INO80: variants seen among roughly 807,000 people sequenced by gnomAD.
INO80 encodes the protein chromatin-remodeling ATPase INO80.
INO80 carries 20 observed loss-of-function variants against 203.4 expected under a neutral mutation model. That is an observed-to-expected ratio of 0.10 (90% CI 0.07 to 0.14). The LOEUF (loss-of-function observed/expected upper bound fraction) is 0.14. Ranked by LOEUF, INO80 falls within the 10% of genes least tolerant of loss-of-function variation. The pLI is 1.00. For missense variants in INO80, 1,419 were observed against 1,914.4 expected, an observed-to-expected ratio of 0.74 and a Z score of 4.83; for synonymous variants, 726 against 685.2, an observed-to-expected ratio of 1.06 and a Z score of -0.93.
chr15:41,080,578 G>A (rs371405618), intron 8 of INO80, among the ~76,000 whole-genome samples: 1 of 152,162 alleles, frequency 6.6e-6, no homozygotes, highest in East Asian at 1.9e-4. Flanking sequence ...GATTGAGGCC[G>A]GGCGCGGTGG....
intron 31 of INO80, 37 bp from the exon 32 acceptor site, chr15:40,985,463 T>C: frequency 7.6e-7 from 1 of 1,322,286 alleles, no homozygotes; most frequent in Non-Finnish European, 1.1e-6. Flanking sequence ...ATGAAGTACC[T>C]GTGGTAATCA....
In INO80 at chr15:41,074,583, T is replaced by C; in HGVS notation, c.1132-18A>G. The C allele has an allele frequency of 1.9e-6, 3 of 1,568,096 alleles. No homozygotes were observed. Among genetic ancestry groups the C allele is most frequent in the Non-Finnish European group, 2.6e-6 (3 of 1,152,848 alleles). On this transcript the variant is annotated intron_variant, in intron 9 of 35. Coordinates refer to ENST00000648947, the MANE Select transcript of INO80 (RefSeq NM_017553.3). Reference sequence around the variant, plus strand: ...CTCTTGGCCTAAAGAGGGAAAAAAGTGAAAACAGAGCCAAATTATCAATGA... The same window carrying C: ...CTCTTGGCCTAAAGAGGGAAAAAAGCGAAAACAGAGCCAAATTATCAATGA...
chr15:40,986,994 A>G, intron 31 of INO80, 97 bp downstream of exon 31: 2 of 654,382 alleles, frequency 3.1e-6, no homozygotes, highest in Non-Finnish European at 5.5e-6. Flanking sequence ...CTTTCCCTAA[A>G]TACAGCCTCT....
In INO80 at chr15:40,987,771, T is replaced by A. The variant is rs143432016; in HGVS notation, c.3729+45A>T. ...CAATGCAGTCAATGTGGTTGGACTT[T>A]CTGTTTGCTCCACCAGTGTAGGAAT... On this transcript the variant is annotated intron_variant, in intron 30 of 35. Transcript: ENST00000648947. 190 of 1,575,084 alleles carry A rather than the reference T, an allele frequency of 1.2e-4. No homozygotes were observed. In the African/African-American group the frequency reaches 2.2e-3, roughly 19 times the overall value.
At chr15:41,055,461 T>C in intron 17 of INO80, 97 bp from the exon 18 acceptor site, 1 of 586,236 alleles carries the variant, frequency 1.7e-6, no homozygotes, top group South Asian at 2.8e-5. Flanking sequence ...TATTAGTGTG[T>C]AAGTGCCTAG....
intron 19 of INO80, among the ~76,000 whole-genome samples, chr15:41,050,660 G>C (rs1317791412): frequency 6.6e-6 from 1 of 152,030 alleles, no homozygotes; most frequent in Non-Finnish European, 1.5e-5. Context: ...CCCTACTGCT[G>C]GCCCTCATCT....
intron 16 of INO80, among the ~76,000 whole-genome samples, chr15:41,056,936 T>C (rs1214495975): frequency 6.6e-6 from 1 of 152,132 alleles, no homozygotes; most frequent in East Asian, 1.9e-4. Context: ...TAGAAAAAAA[T>C]AGCCTCAAAT....
Position 41,091,963 on chromosome 15 carries a change from T to C in INO80, c.537+64A>G, listed in dbSNP as rs1596322367. The C allele has an allele frequency of 3.5e-6, 5 of 1,420,966 alleles. No homozygotes were observed. The East Asian group carries it at 9.3e-5, about 26-fold the overall frequency. The allele number at this position is 1,420,966 out of a possible 1,614,324, so 88.0% of individuals were successfully genotyped here. On this transcript the variant is annotated intron_variant, in intron 5 of 35. Coordinates refer to ENST00000648947, the MANE Select transcript of INO80 (RefSeq NM_017553.3). The stretch of plus-strand genomic sequence containing the variant: ...CACCACGCCCAGCCAAAATGATGTA[T>C]CTTTAATGACTATAAAGCAGAGGGT...
intron 1 of INO80, 68 bp from the exon 2 acceptor site, chr15:41,096,421 T>C (rs1232981426): frequency 2.6e-6 from 3 of 1,155,998 alleles, no homozygotes; most frequent in Admixed American, 6.7e-5. Flanking sequence ...TGCCTGCTTG[T>C]TCCCAATGTG....
intron 14 of INO80, among the ~76,000 whole-genome samples, chr15:41,067,705 C>G (rs1368248996): frequency 6.6e-6 from 1 of 152,110 alleles, no homozygotes; most frequent in African/African-American, 2.4e-5. Flanking sequence ...AAAATACCTG[C>G]CTCACATTTC....
chr15:41,102,682 A>AG (rs2045827202), intron 1 of INO80, among the ~76,000 whole-genome samples: 1 of 151,992 alleles, frequency 6.6e-6, no homozygotes, highest in African/African-American at 2.4e-5. Flanking sequence ...GGAAAAAAAA[A>AG]GGGTGTATTA....
intron 34 of INO80, 74 bp downstream of exon 34, chr15:40,983,688 C>T: frequency 7.5e-7 from 1 of 1,330,272 alleles, no homozygotes; most frequent in Non-Finnish European, 1.1e-6. Flanking sequence ...TAGAAGGAAT[C>T]AGGACCTTAC....
intron 24 of INO80, 65 bp from the exon 25 acceptor site, chr15:41,027,801 A>G: frequency 7.6e-7 from 1 of 1,313,776 alleles, no homozygotes; most frequent in Admixed American, 2.7e-5. Context: ...AAATGAAAAA[A>G]AAAGCCACAT....
rs1420474696 is a variant in INO80 at position 41,052,853 on chromosome 15, G to A, written c.2274+1076C>T. Among the ~76,000 whole-genome samples the A allele has an allele frequency of 6.6e-5, 6 of 90,392 alleles. No homozygotes were observed. In the East Asian group the frequency reaches 1.6e-3, roughly 24 times the overall value. The allele number at this position is 90,392 out of a possible 152,430, so 59.3% of individuals were successfully genotyped here. On this transcript the variant is annotated intron_variant, in intron 19 of 35. Transcript: ENST00000648947. ...CATGGGGAACATGGCAAAACTGGTC[G>A]CTACAAAAAAAAAAAAAAAAAATAC... is the stretch of plus-strand genomic sequence containing the variant.
chr15:41,095,892 T>C lies in INO80; in HGVS notation c.180A>G (p.Pro60=), dbSNP rs2140666926. The C allele has an allele frequency of 6.2e-7, 1 of 1,614,070 alleles. No homozygotes were observed. Among genetic ancestry groups the C allele is most frequent in the Non-Finnish European group, 8.5e-7 (1 of 1,179,936 alleles). ...DSEDGLDDSN[P]LLPQSGDPLI... ...AGGGATCCCCAGACTGGGGCAATAATGGATTACTGTCATCCAGTCCATCTT... is the reference window on the plus strand; with the variant it reads ...AGGGATCCCCAGACTGGGGCAATAACGGATTACTGTCATCCAGTCCATCTT... Residue 60 remains proline, a synonymous_variant, in exon 3 of 36, where the codon CCA becomes CCG. Coordinates refer to ENST00000648947, the MANE Select transcript of INO80 (RefSeq NM_017553.3).
At chr15:41,036,182 A>AAC in intron 24 of INO80, among the ~76,000 whole-genome samples, 1 of 149,360 alleles carries the variant, frequency 6.7e-6, no homozygotes, top group Non-Finnish European at 1.5e-5. Context: ...AAAAAAAAAA[A>AAC]AAACCCAAAA....
At chr15:41,074,255 C>T (rs1165998231) in intron 10 of INO80, 115 bp downstream of exon 10, 2 of 612,282 alleles carry the variant, frequency 3.3e-6, no homozygotes, top group African/African-American at 1.9e-5. Context: ...ATAAATCTCT[C>T]TTTTCTGGTA....
intron 12 of INO80, among the ~76,000 whole-genome samples, chr15:41,071,448 CTTTTTTTTTTT>C (rs747609865): frequency 1.1e-5 from 1 of 87,062 alleles, no homozygotes; most frequent in Non-Finnish European, 2.2e-5. Context: ...TACTCATTTC[CTTTTTTTTTTT>C]TTTTTTTTTT....
At position 41,058,771 on chromosome 15, in the gene INO80, T is replaced by A; in HGVS notation, c.1853A>T (p.Tyr618Phe). 1 of 1,612,052 alleles carries A rather than the reference T, an allele frequency of 6.2e-7. No individual in the cohort carries two copies. The change falls in exon 16 of 36, where the codon TAC (tyrosine) becomes TTC (phenylalanine). Residue 618 changes from tyrosine (Y) to phenylalanine (F), a missense_variant. Coordinates refer to ENST00000648947, the MANE Select transcript of INO80 (RefSeq NM_017553.3). ...CACATGGAAGGGGGCATCCTGAGTG[T>A]AGAGGGTCTTCTGTAAATATAAAAG... ...IRRFWSQKTL[Y>F]TQDAPFHVVI... is the part of the protein sequence containing the mutation.
Sources: gnomAD v4.1 joint callset for allele counts (sites outside exome capture counted in the v4.1 genomes callset) on GRCh38, gnomAD v4.1.1 for gene constraint, MANE v1.5 for transcripts, NCBI Gene and HGNC (gene_info 2026-07-23, HGNC 2026-07-21) for gene names.